MAGI3: variants seen among roughly 807,000 people sequenced by gnomAD.
MAGI3 encodes membrane-associated guanylate kinase, WW and PDZ domain-containing protein 3.
In MAGI3, 43 loss-of-function variants were observed where a neutral mutation model predicts 121.8. The ratio of observed to expected loss-of-function variants is 0.35; its 90% CI spans 0.28 to 0.46. The LOEUF (loss-of-function observed/expected upper bound fraction) is 0.46. MAGI3 is among the 20% of genes least tolerant of loss of function. The pLI, the probability that MAGI3 is intolerant of heterozygous loss-of-function variation, is 1.00. For synonymous variants in MAGI3, 553 were observed against 639.3 expected, an observed-to-expected ratio of 0.86 and a Z score of 2.04; for missense variants, 1,547 against 1,797.3, an observed-to-expected ratio of 0.86 and a Z score of 2.52.
chr1:113,466,161 A>G (rs1398774638), intron 1 of MAGI3, among the ~76,000 whole-genome samples: 2 of 151,894 alleles, frequency 1.3e-5, no homozygotes, highest in Non-Finnish European at 2.9e-5. Context: ...TTATTTTGAG[A>G]TATGTTCCTT....
At chr1:113,634,129 G>A (rs1651845909) in intron 9 of MAGI3, among the ~76,000 whole-genome samples, 1 of 152,162 alleles carries the variant, frequency 6.6e-6, no homozygotes, top group African/African-American at 2.4e-5. Context: ...GTAGATTCTG[G>A]ATATTAGCCC....
intron 18 of MAGI3, 50 bp downstream of exon 18, chr1:113,672,791 C>T: frequency 6.4e-7 from 1 of 1,554,596 alleles, no homozygotes; most frequent in Non-Finnish European, 8.7e-7. Flanking sequence ...GTTGCCATAC[C>T]ACTGGCATTG....
chr1:113,447,724 T>C (rs1283112275), intron 1 of MAGI3, among the ~76,000 whole-genome samples: 1 of 152,090 alleles, frequency 6.6e-6, no homozygotes, highest in Admixed American at 6.5e-5. Flanking sequence ...CATGGTGGCA[T>C]GTGCCTGTAA....
At chr1:113,543,551 G>A (rs958474363) in intron 1 of MAGI3, among the ~76,000 whole-genome samples, 7 of 152,042 alleles carry the variant, frequency 4.6e-5, no homozygotes, top group East Asian at 1.9e-4. Flanking sequence ...GGATGGAGAG[G>A]GTCAAATGAA....
chr1:113,518,625 T>C (rs1483234533), intron 1 of MAGI3, among the ~76,000 whole-genome samples: 1 of 152,104 alleles, frequency 6.6e-6, no homozygotes, highest in Non-Finnish European at 1.5e-5. Flanking sequence ...TTTCAGACTG[T>C]GATTTAAAGT....
intron 1 of MAGI3, among the ~76,000 whole-genome samples, chr1:113,442,460 A>T (rs1310620504): frequency 6.6e-6 from 1 of 152,150 alleles, no homozygotes; most frequent in Non-Finnish European, 1.5e-5. Flanking sequence ...TGTGTTACTG[A>T]AGAATTGGTT....
intron 6 of MAGI3, among the ~76,000 whole-genome samples, chr1:113,610,804 C>T (rs560624458): frequency 3.7e-4 from 57 of 152,102 alleles, no homozygotes; most frequent in African/African-American, 6.5e-4. Context: ...CATGGTGGCA[C>T]GCACCTTTAG....
intron 1 of MAGI3, among the ~76,000 whole-genome samples, chr1:113,513,606 C>T (rs1657729415): frequency 1.3e-5 from 2 of 152,200 alleles, no homozygotes; most frequent in East Asian, 1.9e-4. Context: ...CCCTTCCTCA[C>T]ACCTTATACA....
chr1:113,551,655 T>C (rs1659793466), intron 2 of MAGI3, among the ~76,000 whole-genome samples: 1 of 152,204 alleles, frequency 6.6e-6, no homozygotes, highest in African/African-American at 2.4e-5. Flanking sequence ...CAAATAGTTC[T>C]AGACTTTACT....
At position 113,395,087 on chromosome 1, in the gene MAGI3, G is replaced by GTTTTTTTTTTTTTTTTTTTTTTTTTT. The variant is rs139532433; in HGVS notation, c.316+3742_316+3767dup. ...TCTTATCTCTTGAATCTTTTTGTTA[G>GTTTTTTTTTTTTTTTTTTTTTTTTTT]TTTTTTTTTTTTTTTTTTTTTTTTT... is the stretch of plus-strand genomic sequence containing the variant. On this transcript the variant is annotated intron_variant, in intron 1 of 20. Coordinates refer to ENST00000307546, the MANE Select transcript of MAGI3 (RefSeq NM_001142782.2). Among the ~76,000 whole-genome samples, 4 of 33,244 alleles carry GTTTTTTTTTTTTTTTTTTTTTTTTTT rather than the reference G, an allele frequency of 1.2e-4. 1 individual carries two copies. The highest frequency in any genetic ancestry group is 3.1e-4 in the African/African-American group (2 of 6,400). 21.8% of individuals were successfully genotyped at this position (33,244 alleles called of 152,430 possible).
intron 1 of MAGI3, among the ~76,000 whole-genome samples, chr1:113,416,656 T>A (rs1652468101): frequency 6.7e-6 from 1 of 149,978 alleles, no homozygotes; most frequent in African/African-American, 2.5e-5. Context: ...AGTTAACAAA[T>A]CTTGAGATAC....
At chr1:113,492,427 A>G (rs1253096238) in intron 1 of MAGI3, among the ~76,000 whole-genome samples, 4 of 152,218 alleles carry the variant, frequency 2.6e-5, no homozygotes, top group Non-Finnish European at 5.9e-5. Context: ...GAATGGGCAA[A>G]AGCTGGAAGC....
intron 1 of MAGI3, among the ~76,000 whole-genome samples, chr1:113,437,107 C>T (rs1005997337): frequency 2.0e-5 from 3 of 152,114 alleles, no homozygotes; most frequent in African/African-American, 4.8e-5. Context: ...AGCCACCGCA[C>T]CCGGCCTGGA....
intron 6 of MAGI3, among the ~76,000 whole-genome samples, chr1:113,609,971 T>C (rs1650021214): frequency 6.6e-6 from 1 of 152,210 alleles, no homozygotes; most frequent in African/African-American, 2.4e-5. Flanking sequence ...TTAAGTCATC[T>C]ATTCTTAAGG....
chr1:113,604,759 G>C (rs1217214), intron 6 of MAGI3, among the ~76,000 whole-genome samples: 114,588 of 150,948 alleles, frequency 0.76, 44,245 homozygotes, highest in African/African-American at 0.86. Context: ...TTATAAGTGG[G>C]AGCTAAGCTA....
intron 1 of MAGI3, among the ~76,000 whole-genome samples, chr1:113,541,175 CAAAT>C (rs1392282073): frequency 6.6e-6 from 1 of 152,200 alleles, no homozygotes; most frequent in Non-Finnish European, 1.5e-5. Context: ...GCTTGACCTT[CAAAT>C]GCCAGTGATA....
intron 1 of MAGI3, among the ~76,000 whole-genome samples, chr1:113,395,087 GTTTTTTTTTTTTT>G (rs139532433): frequency 4.5e-4 from 15 of 33,244 alleles, no homozygotes; most frequent in Non-Finnish European, 7.1e-4. Context: ...CTTTTTGTTA[GTTTTTTTTTTTTT>G]TTTTTTTTTT....
chr1:113,622,347 AT>A (rs55822598), intron 8 of MAGI3, among the ~76,000 whole-genome samples: 152,016 of 152,022 alleles, frequency 1, 76,005 homozygotes, highest in Middle Eastern at 1. Context: ...AGAACTATGT[AT>A]TTTTTTTTCC....
At chr1:113,656,942 G>C (rs1415390887) in intron 15 of MAGI3, among the ~76,000 whole-genome samples, 2 of 152,158 alleles carry the variant, frequency 1.3e-5, no homozygotes, top group African/African-American at 4.8e-5. Context: ...GACTCGGCTA[G>C]TTTTTGCTTT....
Sources: allele counts gnomAD v4.1 joint callset (sites outside exome capture counted in the v4.1 genomes callset), GRCh38; gene constraint gnomAD v4.1.1; transcripts MANE v1.5; gene names NCBI Gene and HGNC (gene_info 2026-07-23, HGNC 2026-07-21).